The following GSN variants were observed in gnomAD, a reference collection of about 807,000 sequenced individuals.
The protein encoded by GSN is actin-depolymerizing factor.
Under a neutral mutation model 85.7 loss-of-function variants are expected in GSN, and 56 were observed. That is an observed-to-expected ratio of 0.65 (90% CI 0.53 to 0.82). The LOEUF (loss-of-function observed/expected upper bound fraction) is 0.82, where lower values mean the gene tolerates loss of function less well. Among genes scored for constraint, GSN ranks in the 40% least tolerant of loss-of-function variants. The pLI is 0.00. For synonymous variants in GSN, 373 were observed against 399.1 expected (o/e 0.93, Z 0.78); for missense variants, 857 against 979.8 (o/e 0.87, Z 1.67).
intron 2 of GSN, among the ~76,000 whole-genome samples, chr9:121,288,947 G>A (rs1451221985): frequency 2.0e-5 from 3 of 152,188 alleles, no homozygotes; most frequent in East Asian, 3.8e-4. Context: ...GGCCTGCTAC[G>A]TGGCACAGTC....
At chr9:121,223,098 T>A (rs1190951140) in intron 4 of GSN, 1 of 152,136 alleles carries the variant, frequency 6.6e-6, no homozygotes, top group Non-Finnish European at 1.5e-5. Context: ...AGGAGGGACA[T>A]ATAGCCGTTA....
At chr9:121,281,654 C>G (rs1400250948) in intron 2 of GSN, 92 bp downstream of exon 2, 1 of 471,060 alleles carries the variant, frequency 2.1e-6, no homozygotes, top group African/African-American at 2.0e-5. Flanking sequence ...GTGGAAGCAG[C>G]CGCTGTAGCC....
At chr9:121,258,875 A>T (rs1340289137) in intron 6 of GSN, among the ~76,000 whole-genome samples, 2 of 152,216 alleles carry the variant, frequency 1.3e-5, no homozygotes, top group Non-Finnish European at 2.9e-5. Flanking sequence ...TCCTGCCTTC[A>T]TGTTAGTTCA....
chr9:121,240,221 A>G (rs2054576792), intron 5 of GSN: 1 of 152,154 alleles, frequency 6.6e-6, no homozygotes, highest in Non-Finnish European at 1.5e-5. Context: ...CCTCATTTTA[A>G]CTTGATTATT....
upstream of GSN, among the ~76,000 whole-genome samples, chr9:121,263,747 G>C (rs142106341): frequency 6.6e-6 from 1 of 151,858 alleles, no homozygotes; most frequent in Admixed American, 6.6e-5. Flanking sequence ...AAAATTAGCC[G>C]GGCGTTGTTG....
intron 4 of GSN, among the ~76,000 whole-genome samples, chr9:121,212,651 T>G (rs2053988513): frequency 6.6e-6 from 1 of 151,868 alleles, no homozygotes; most frequent in South Asian, 2.1e-4. Flanking sequence ...TGGCCTTTTT[T>G]TTTTTTTTCT....
At chr9:121,238,776 C>T in intron 5 of GSN, 2 of 504,746 alleles carry the variant, frequency 4.0e-6, no homozygotes, top group South Asian at 1.5e-5. Context: ...AATAAAGTTC[C>T]TCTCAAACTT....
chr9:121,294,872 A>G (rs952193688), intron 2 of GSN, among the ~76,000 whole-genome samples: 5 of 152,192 alleles, frequency 3.3e-5, no homozygotes, highest in African/African-American at 4.8e-5. Context: ...ACTGCTGCTA[A>G]TAAGTCCTGC....
rs145775789 is a variant in GSN at position 121,232,256 on chromosome 9, G to A, written c.-389+953G>A. Among the ~76,000 whole-genome samples, 205 of 152,294 alleles carry A rather than the reference G, an allele frequency of 1.3e-3. 1 individual carries two copies. The highest frequency in any genetic ancestry group is 2.5e-3 in the Non-Finnish European group (169 of 68,032). ...CTGTCCAGTGCTGAGCACAGGGTGT[G>A]GCATCTGGTGGGATCTTAGGAAACA... On this transcript the variant is annotated intron_variant, in intron 5 of 24. Coordinates refer to the GSN transcript ENST00000373823.
At chr9:121,272,465 A>G (rs2056116951) in intron 1 of GSN, among the ~76,000 whole-genome samples, 1 of 152,132 alleles carries the variant, frequency 6.6e-6, no homozygotes, top group Non-Finnish European at 1.5e-5. Flanking sequence ...ATGGCCTCTG[A>G]GTTGGAGGGC....
chr9:121,240,293 A>G (rs2054578105), intron 5 of GSN, among the ~76,000 whole-genome samples: 1 of 152,160 alleles, frequency 6.6e-6, no homozygotes, highest in South Asian at 2.1e-4. Context: ...CAGGACTTCA[A>G]CACTGTTTTG....
chr9:121,312,612 T>C (rs1161149288), intron 6 of GSN, 124 bp downstream of exon 6: 7 of 749,666 alleles, frequency 9.3e-6, no homozygotes, highest in Non-Finnish European at 1.4e-5. Flanking sequence ...CCCACCTTTT[T>C]ATTTTTAAAA....
At chr9:121,206,776 ACTAAGT>A (rs930876264), upstream of GSN, among the ~76,000 whole-genome samples, 10 of 151,670 alleles carry the variant, frequency 6.6e-5, no homozygotes, top group East Asian at 1.4e-3. Context: ...TTGTTTCGAG[ACTAAGT>A]CTGGCTCTGT....
At chr9:121,278,314 A>G (rs1353164222) in intron 1 of GSN, among the ~76,000 whole-genome samples, 1 of 152,190 alleles carries the variant, frequency 6.6e-6, no homozygotes, top group African/African-American at 2.4e-5. Context: ...GAAAATGATA[A>G]CTATTGTTAT....
At chr9:121,291,082 AT>A (rs1448257502) in intron 2 of GSN, among the ~76,000 whole-genome samples, 1 of 152,198 alleles carries the variant, frequency 6.6e-6, no homozygotes, top group Non-Finnish European at 1.5e-5. Context: ...AAAAGTAAAA[AT>A]AATACAAATT....
At position 121,310,682 on chromosome 9, in the gene GSN, A is replaced by G; in HGVS notation, c.352-2A>G. ...GCTAATGCTGTCTCTTTGGCCCCAC[A>G]GAAAGGAGGTGTGGCATCAGGATTC... On this transcript the variant is annotated splice_acceptor_variant, in intron 4 of 17. Coordinates refer to ENST00000432226, the MANE Select transcript of GSN (RefSeq NM_198252.3). LOFTEE classifies it high-confidence loss of function. 1 of 1,613,988 alleles carries G rather than the reference A, an allele frequency of 6.2e-7. No homozygotes were observed. Among genetic ancestry groups the G allele is most frequent in the African/African-American group, 1.3e-5 (1 of 75,018 alleles).
intron 5 of GSN, among the ~76,000 whole-genome samples, chr9:121,233,322 G>A (rs1005982589): frequency 7.2e-5 from 11 of 152,028 alleles, no homozygotes; most frequent in South Asian, 2.1e-4. Context: ...AAAATTAGTC[G>A]GGCGTGGTAG....
upstream of GSN, among the ~76,000 whole-genome samples, chr9:121,263,841 A>G (rs2055138336): frequency 7.0e-6 from 1 of 143,634 alleles, no homozygotes; most frequent in African/African-American, 2.5e-5. Context: ...GTGAACCGAG[A>G]TTGCGCCATT....
At chr9:121,257,608 C>T (rs558048596) in intron 6 of GSN, among the ~76,000 whole-genome samples, 5 of 152,294 alleles carry the variant, frequency 3.3e-5, no homozygotes, top group South Asian at 4.1e-4. Context: ...TGGTGGCTCC[C>T]GTCTGTAATC....
Sources: gnomAD v4.1 joint callset for allele counts (sites outside exome capture counted in the v4.1 genomes callset) on GRCh38, gnomAD v4.1.1 for gene constraint, MANE v1.5 for transcripts, NCBI Gene and HGNC (gene_info 2026-07-23, HGNC 2026-07-21) for gene names.